The following SPATA6 variants were observed in gnomAD, a reference collection of about 807,000 sequenced individuals.
SPATA6 encodes the protein spermatogenesis-associated protein 6.
SPATA6 carries 56 observed loss-of-function variants against 65.3 expected under a neutral mutation model. That is an observed-to-expected ratio of 0.86 (90% CI 0.69 to 1.07). The LOEUF (loss-of-function observed/expected upper bound fraction) is 1.07. Among genes scored for constraint, SPATA6 ranks in the 50% least tolerant of loss-of-function variants. The pLI, the probability that SPATA6 is intolerant of heterozygous loss-of-function variation, is 0.00. For missense variants in SPATA6, 590 were observed against 594.8 expected (o/e 0.99, Z 0.08); for synonymous variants, 199 against 213.2 (o/e 0.93, Z 0.58).
At chr1:48,424,995 T>C (rs946268761) in intron 3 of SPATA6, among the ~76,000 whole-genome samples, 1 of 152,188 alleles carries the variant, frequency 6.6e-6, no homozygotes, top group African/African-American at 2.4e-5. Context: ...TTTAACTTGA[T>C]GTGATCCCAG....
chr1:48,315,058 C>A (rs1341408950), intron 11 of SPATA6, among the ~76,000 whole-genome samples: 3 of 152,082 alleles, frequency 2.0e-5, no homozygotes, highest in Non-Finnish European at 4.4e-5. Flanking sequence ...TAATAGCTTA[C>A]CAAACAAAAA....
intron 9 of SPATA6, among the ~76,000 whole-genome samples, chr1:48,367,750 A>T (rs1647074458): frequency 6.6e-6 from 1 of 152,100 alleles, no homozygotes. Context: ...CTCTTTATCC[A>T]ATTTGCCAGT....
At chr1:48,314,459 T>C (rs1027850562) in intron 11 of SPATA6, among the ~76,000 whole-genome samples, 3 of 152,068 alleles carry the variant, frequency 2.0e-5, no homozygotes, top group African/African-American at 7.2e-5. Context: ...CATAATGAAA[T>C]GAAGGCAGAA....
intron 3 of SPATA6, among the ~76,000 whole-genome samples, chr1:48,447,565 G>A (rs34314518): frequency 0.18 from 26,777 of 151,922 alleles, 2,593 homozygotes; most frequent in Admixed American, 0.26. Context: ...ATGGGGAGAC[G>A]GCACCCCTAA....
At chr1:48,366,779 T>C (rs991945252) in intron 9 of SPATA6, among the ~76,000 whole-genome samples, 1 of 152,202 alleles carries the variant, frequency 6.6e-6, no homozygotes, top group Non-Finnish European at 1.5e-5. Context: ...GAAGGGTTTT[T>C]TGTGTCTCTA....
chr1:48,411,117 G>A (rs1227895979), intron 5 of SPATA6, among the ~76,000 whole-genome samples: 1 of 152,190 alleles, frequency 6.6e-6, no homozygotes, highest in African/African-American at 2.4e-5. Context: ...GAGAGACAGA[G>A]ATGGGATGGG....
rs531400344 is a variant in SPATA6 at position 48,368,779 on chromosome 1, ACTT to A, written c.910-9012_910-9010del. ...CTCGGAGTAGTTTGATCGTCCGAAG[ACTT>A]CTTCTCTCAACTCGTCAACATCATT... On this transcript the variant is annotated intron_variant, in intron 9 of 12. Coordinates refer to ENST00000371847, the MANE Select transcript of SPATA6 (RefSeq NM_019073.4). Among the ~76,000 whole-genome samples the A allele has an allele frequency of 1.6e-3, 250 of 152,154 alleles. 3 individuals are homozygous for A. Among genetic ancestry groups the A allele is most frequent in the African/African-American group, 5.6e-3 (231 of 41,504 alleles).
intron 11 of SPATA6, among the ~76,000 whole-genome samples, chr1:48,312,404 T>G: frequency 6.6e-6 from 1 of 152,306 alleles, no homozygotes; most frequent in Middle Eastern, 3.4e-3. Flanking sequence ...TCCGCTGTTC[T>G]GCAGTCTTCG....
At chr1:48,314,273 C>G (rs371074370) in intron 11 of SPATA6, among the ~76,000 whole-genome samples, 33 of 152,148 alleles carry the variant, frequency 2.2e-4, no homozygotes, top group South Asian at 6.2e-4. Context: ...TATTCCAAAA[C>G]TGACCACATA....
At chr1:48,387,772 A>G (rs1649631702) in intron 8 of SPATA6, among the ~76,000 whole-genome samples, 1 of 152,174 alleles carries the variant, frequency 6.6e-6, no homozygotes, top group African/African-American at 2.4e-5. Flanking sequence ...GATTGGGCCT[A>G]CACTCATAGC....
At chr1:48,264,386 A>G in the SPATA6 span, among the ~76,000 whole-genome samples, 3 of 152,122 alleles carry the variant, frequency 2.0e-5, no homozygotes, top group African/African-American at 7.2e-5. Flanking sequence ...TTTTGTTGTT[A>G]TACTTTAAGT....
intron 3 of SPATA6, 113 bp downstream of exon 3, chr1:48,451,439 T>G: frequency 1.2e-6 from 1 of 842,610 alleles, no homozygotes; most frequent in Non-Finnish European, 1.8e-6. Flanking sequence ...CTCAAGATTT[T>G]TAAAGTTCTA....
intron 9 of SPATA6, among the ~76,000 whole-genome samples, chr1:48,364,660 G>T (rs1646936717): frequency 6.6e-6 from 1 of 151,992 alleles, no homozygotes; most frequent in Non-Finnish European, 1.5e-5. Flanking sequence ...TTTTTTTCTT[G>T]TAAATTTGTT....
In SPATA6 at chr1:48,438,785, A is replaced by G. The variant is rs1655185215; in HGVS notation, c.238+12767T>C. ...TGGTGCTTTTCTAGTTTCTCCTATAAGAGTGATTTCTAGTATAAACTTCAG... is the reference window on the plus strand; with the variant it reads ...TGGTGCTTTTCTAGTTTCTCCTATAGGAGTGATTTCTAGTATAAACTTCAG... On this transcript the variant is annotated intron_variant, in intron 3 of 12. Transcript: ENST00000371847. Among the ~76,000 whole-genome samples the G allele has an allele frequency of 5.9e-5, 9 of 152,198 alleles. 1 individual carries two copies. The South Asian group carries it at 1.9e-3, about 32-fold the overall frequency.
In SPATA6 at chr1:48,351,756, T is replaced by C. The variant is rs148160067; in HGVS notation, c.1194+3914A>G. 4.5e-3 allele frequency among the ~76,000 whole-genome samples: 691 copies of C among 152,158 alleles called. 4 individuals carry two copies. The highest frequency in any genetic ancestry group is 0.015 in the African/African-American group (617 of 41,552). On this transcript the variant is annotated intron_variant, in intron 11 of 12. Coordinates refer to ENST00000371847, the MANE Select transcript of SPATA6 (RefSeq NM_019073.4). Reference sequence around the variant, plus strand: ...CATTTTTCTTTGCTTGTAATGTTGATGTCTGGTTATAGCATTACAGTAAAT... The same window carrying C: ...CATTTTTCTTTGCTTGTAATGTTGACGTCTGGTTATAGCATTACAGTAAAT...
chr1:48,344,043 G>T (rs1426152343), intron 11 of SPATA6, among the ~76,000 whole-genome samples: 1 of 152,058 alleles, frequency 6.6e-6, no homozygotes, highest in Non-Finnish European at 1.5e-5. Context: ...AGGAATGTAA[G>T]AAAGGAACAG....
the SPATA6 span, among the ~76,000 whole-genome samples, chr1:48,279,693 T>A: frequency 2.6e-5 from 4 of 151,996 alleles, no homozygotes; most frequent in Admixed American, 6.6e-5. Context: ...AAGTCCTGAG[T>A]GACCTACAAA....
At chr1:48,387,028 T>C (rs2147872994) in intron 8 of SPATA6, among the ~76,000 whole-genome samples, 1 of 152,316 alleles carries the variant, frequency 6.6e-6, no homozygotes, top group Middle Eastern at 3.4e-3. Context: ...TTAATTGGAC[T>C]TACAGTTCCA....
At chr1:48,347,472 T>A (rs992119085) in intron 11 of SPATA6, among the ~76,000 whole-genome samples, 1 of 145,202 alleles carries the variant, frequency 6.9e-6, no homozygotes, top group Admixed American at 6.9e-5. Context: ...TATAATATAA[T>A]ATATATATTA....
Sources: allele counts gnomAD v4.1 joint callset (sites outside exome capture counted in the v4.1 genomes callset), GRCh38; gene constraint gnomAD v4.1.1; transcripts MANE v1.5; gene names NCBI Gene and HGNC (gene_info 2026-07-23, HGNC 2026-07-21).